The following DOCK3 variants were observed in gnomAD, a reference collection of about 807,000 sequenced individuals.
DOCK3 encodes the protein dedicator of cytokinesis 3, also known as dedicator of cytokinesis protein 3.
DOCK3 carries 60 observed loss-of-function variants against 265.6 expected under a neutral mutation model. The ratio of observed to expected loss-of-function variants is 0.23; its 90% CI spans 0.18 to 0.28. DOCK3 has a LOEUF of 0.28. Among genes scored for constraint, DOCK3 ranks in the 10% least tolerant of loss-of-function variants. The pLI is 1.00. For missense variants in DOCK3, 1,981 were observed against 2,594.3 expected (o/e 0.76, Z 5.14); for synonymous variants, 881 against 938.0 (o/e 0.94, Z 1.11).
At chr3:50,877,231 T>C (rs2047746967) in intron 3 of DOCK3, 8 of 327,784 alleles carry the variant, frequency 2.4e-5, no homozygotes, top group South Asian at 2.0e-4. Context: ...TCTCATGATC[T>C]TACGGAGCCT....
intron 5 of DOCK3, among the ~76,000 whole-genome samples, chr3:50,950,692 C>T (rs1349327684): frequency 6.6e-6 from 1 of 152,050 alleles, no homozygotes; most frequent in Non-Finnish European, 1.5e-5. Flanking sequence ...TTGATACCTC[C>T]TGCTGCCTAG....
At chr3:51,233,023 T>C (rs2078192701) in intron 19 of DOCK3, among the ~76,000 whole-genome samples, 1 of 152,236 alleles carries the variant, frequency 6.6e-6, no homozygotes, top group South Asian at 2.1e-4. Context: ...TTTGGTACTG[T>C]AGCCTTGTAG....
intron 1 of DOCK3, among the ~76,000 whole-genome samples, chr3:50,718,941 G>C (rs2037301024): frequency 6.6e-6 from 1 of 151,704 alleles, no homozygotes; most frequent in Admixed American, 6.6e-5. Flanking sequence ...CTGCCACCAT[G>C]CCCGGCTAAT....
At chr3:51,183,504 T>A (rs1336437674) in intron 12 of DOCK3, among the ~76,000 whole-genome samples, 4 of 152,162 alleles carry the variant, frequency 2.6e-5, no homozygotes, top group Non-Finnish European at 5.9e-5. Context: ...CAGATCCCTA[T>A]AGGGTCTAAA....
chr3:51,063,008 G>A (rs1386927536), intron 5 of DOCK3, among the ~76,000 whole-genome samples: 3 of 152,086 alleles, frequency 2.0e-5, no homozygotes, highest in African/African-American at 7.2e-5. Context: ...TCAGTTCATC[G>A]ATTAAAGAAA....
At chr3:51,202,685 G>A (rs551986788) in intron 12 of DOCK3, among the ~76,000 whole-genome samples, 2 of 151,970 alleles carry the variant, frequency 1.3e-5, no homozygotes, top group East Asian at 3.9e-4. Context: ...AGCATCATCC[G>A]GATACCAAAG....
At chr3:51,055,783 G>A (rs2081179324) in intron 5 of DOCK3, among the ~76,000 whole-genome samples, 1 of 152,114 alleles carries the variant, frequency 6.6e-6, no homozygotes, top group Admixed American at 6.5e-5. Flanking sequence ...TACCTTTGGT[G>A]TTGTTCCTTT....
chr3:51,296,697 C>T (rs1490535561), intron 27 of DOCK3, among the ~76,000 whole-genome samples: 1 of 151,870 alleles, frequency 6.6e-6, no homozygotes, highest in Non-Finnish European at 1.5e-5. Context: ...AGGATGGTCT[C>T]GATCTCCTGA....
chr3:50,805,894 G>A (rs2043381991), intron 2 of DOCK3, among the ~76,000 whole-genome samples: 1 of 152,014 alleles, frequency 6.6e-6, no homozygotes, highest in African/African-American at 2.4e-5. Flanking sequence ...AACCTGTAGG[G>A]CTGTTTCTGA....
At position 51,381,526 on chromosome 3, in the gene DOCK3, C is replaced by A. The variant is rs2088646787; in HGVS notation, c.6060C>A (p.Arg2020=). The A allele has an allele frequency of 6.4e-7, 1 of 1,567,862 alleles. No individual in the cohort carries two copies. The highest frequency in any genetic ancestry group is 8.6e-7 in the Non-Finnish European group (1 of 1,158,666). ...PPGSAKEEQA[R]MAWEHGRGEQ ...GGAGCGCTAAGGAGGAGCAGGCCCGCATGGCCTGGGAGCACGGCCGAGGGG... is the reference window on the plus strand; with the variant it reads ...GGAGCGCTAAGGAGGAGCAGGCCCGAATGGCCTGGGAGCACGGCCGAGGGG... Residue 2020 remains arginine, a synonymous_variant, in exon 53 of 53, where the codon CGC becomes CGA. Coordinates refer to ENST00000266037, the MANE Select transcript of DOCK3 (RefSeq NM_004947.5). This position sits in a 1 kb window ranked among gnomAD's most constrained non-coding sequence, Gnocchi z 5.6.
At chr3:51,009,596 G>GT (rs1383714666) in intron 5 of DOCK3, among the ~76,000 whole-genome samples, 1 of 152,076 alleles carries the variant, frequency 6.6e-6, no homozygotes, top group Non-Finnish European at 1.5e-5. Flanking sequence ...TTTTTGAAGG[G>GT]TTTTTTGTAT....
At chr3:50,868,901 GTTTTTT>G (rs147898866) in intron 3 of DOCK3, among the ~76,000 whole-genome samples, 8 of 14,294 alleles carry the variant, frequency 5.6e-4, no homozygotes, top group African/African-American at 1.2e-3. Context: ...TGGATAATCT[GTTTTTT>G]TTTTTTTTTT....
chr3:51,327,642 T>C (rs2084223088), intron 32 of DOCK3, among the ~76,000 whole-genome samples: 1 of 151,990 alleles, frequency 6.6e-6, no homozygotes, highest in South Asian at 2.1e-4. Flanking sequence ...GTAGGGGTGA[T>C]TAAGTAATGT....
intron 9 of DOCK3, among the ~76,000 whole-genome samples, chr3:51,134,397 C>T (rs1246084455): frequency 6.6e-6 from 1 of 152,178 alleles, no homozygotes; most frequent in Non-Finnish European, 1.5e-5. Flanking sequence ...GAATATGTAA[C>T]AGCAGATTTA....
At chr3:51,114,791 T>G (rs374276780) in intron 9 of DOCK3, among the ~76,000 whole-genome samples, 1 of 152,092 alleles carries the variant, frequency 6.6e-6, no homozygotes, top group East Asian at 1.9e-4. Context: ...CTCCTAATGC[T>G]TTCCTTCCCC....
At chr3:51,195,927 C>A (rs1438800467) in intron 12 of DOCK3, among the ~76,000 whole-genome samples, 1 of 151,354 alleles carries the variant, frequency 6.6e-6, no homozygotes. Flanking sequence ...TTTATTCTTC[C>A]TTTTTTTGTT....
intron 9 of DOCK3, among the ~76,000 whole-genome samples, chr3:51,098,096 G>A (rs939127932): frequency 1.3e-5 from 2 of 151,736 alleles, no homozygotes; most frequent in African/African-American, 2.4e-5. Context: ...TTGCTCTTTT[G>A]CCCAGACTGG....
chr3:51,283,662 C>T (rs1202507349), intron 27 of DOCK3, among the ~76,000 whole-genome samples: 2 of 152,110 alleles, frequency 1.3e-5, no homozygotes, highest in African/African-American at 4.8e-5. Flanking sequence ...TGAGCCTCCT[C>T]CCCCAGCTCA....
intron 5 of DOCK3, among the ~76,000 whole-genome samples, chr3:50,934,360 T>C (rs1164349850): frequency 6.6e-6 from 1 of 152,208 alleles, no homozygotes; most frequent in Non-Finnish European, 1.5e-5. Context: ...AGATGCTTTA[T>C]AAAACAGATA....
Sources: allele counts gnomAD v4.1 joint callset (sites outside exome capture counted in the v4.1 genomes callset), GRCh38; gene constraint gnomAD v4.1.1; non-coding constraint Gnocchi (gnomAD v3.1); transcripts MANE v1.5; gene names NCBI Gene and HGNC (gene_info 2026-07-23, HGNC 2026-07-21).